The following RBM19 variants were observed in gnomAD, a reference collection of about 807,000 sequenced individuals.
RBM19 encodes probable RNA-binding protein 19.
In RBM19, 94 loss-of-function variants were observed where a neutral mutation model predicts 116.8. That is an observed-to-expected ratio of 0.80 (90% CI 0.68 to 0.95). The LOEUF (loss-of-function observed/expected upper bound fraction) is 0.95, where lower values mean the gene tolerates loss of function less well. RBM19 is among the 40% of genes least tolerant of loss of function. The pLI, the probability that RBM19 is intolerant of heterozygous loss-of-function variation, is 0.00. For missense variants in RBM19, 1,161 were observed against 1,220.7 expected (o/e 0.95, Z 0.73); for synonymous variants, 475 against 494.1 (o/e 0.96, Z 0.51).
At chr12:113,836,656 CCTT>C (rs1321123262) in intron 23 of RBM19, among the ~76,000 whole-genome samples, 1 of 152,046 alleles carries the variant, frequency 6.6e-6, no homozygotes, top group African/African-American at 2.4e-5. Context: ...GAGTCCTCCT[CCTT>C]CTCCTCATGG....
intron 23 of RBM19, among the ~76,000 whole-genome samples, chr12:113,833,325 C>T (rs1326189639): frequency 2.6e-5 from 4 of 152,108 alleles, no homozygotes; most frequent in African/African-American, 7.2e-5. Context: ...CCTCCACAGC[C>T]TCTGCTCCAT....
chr12:113,915,073 T>C lies in RBM19; in HGVS notation c.2454A>G (p.Thr818=), dbSNP rs139855741. The C allele has an allele frequency of 1.3e-4, 205 of 1,614,090 alleles. No individual in the cohort carries two copies. In the African/African-American group the frequency reaches 2.4e-3, roughly 19 times the overall value. ...ISERATKPAV[T]LARKKQVPRK... is the part of the protein sequence containing the mutation. ...TGGGAACTTGTTTCTTCCGAGCCAA[T>C]GTCACGGCTGGCCTGGAGTGGTGGG... Residue 818 remains threonine (T), a synonymous_variant, in exon 21 of 24, where the codon ACA becomes ACG. Coordinates refer to ENST00000261741, the MANE Select transcript of RBM19 (RefSeq NM_016196.4).
chr12:113,943,449 C>A (rs1471227916), intron 13 of RBM19, among the ~76,000 whole-genome samples: 2 of 152,156 alleles, frequency 1.3e-5, no homozygotes, highest in African/African-American at 4.8e-5. Flanking sequence ...CCGTGGAAAA[C>A]ACACACAGAA....
intron 21 of RBM19, among the ~76,000 whole-genome samples, chr12:113,895,925 A>G (rs1196271131): frequency 2.0e-5 from 3 of 151,590 alleles, no homozygotes; most frequent in Admixed American, 2.0e-4. Context: ...CAATATATAC[A>G]TTTCGTTCTC....
chr12:113,923,881 AC>A (rs1253988591), intron 18 of RBM19, among the ~76,000 whole-genome samples: 4 of 152,130 alleles, frequency 2.6e-5, no homozygotes, highest in African/African-American at 9.7e-5. Context: ...TATAACTAAC[AC>A]CGTGCCTGCT....
In RBM19 at chr12:113,858,860, CT is replaced by C; in HGVS notation, c.2594del (p.Lys865ArgfsTer3). On this transcript the variant is annotated frameshift_variant, in exon 22 of 24. Coordinates refer to ENST00000261741, the MANE Select transcript of RBM19 (RefSeq NM_016196.4). LOFTEE classifies it high-confidence loss of function. ...TGTGTGTGCCTGTCCCAGTCATCTT[CT>C]TTGGCAGGCGGACCGTCTTCAACTC... Reference protein sequence around the residue: ...FGELKTVRLPKKMTGTGTHRG... With the variant: ...FGELKTVRLPXKMTGTGTHRG... 6.2e-7 allele frequency: 1 copy of C among 1,614,174 alleles called. No individual in the cohort carries two copies. The highest frequency in any genetic ancestry group is 8.5e-7 in the Non-Finnish European group (1 of 1,180,040).
intron 14 of RBM19, among the ~76,000 whole-genome samples, chr12:113,941,678 C>T (rs542389331): frequency 2.0e-5 from 3 of 151,212 alleles, no homozygotes; most frequent in South Asian, 2.1e-4. Flanking sequence ...TCCATCCATC[C>T]ACCCATCCCC....
intron 22 of RBM19, among the ~76,000 whole-genome samples, chr12:113,849,806 CT>C (rs1479566781): frequency 6.6e-6 from 1 of 152,182 alleles, no homozygotes; most frequent in Non-Finnish European, 1.5e-5. Context: ...ATGGCCAGGG[CT>C]GATTATTCCT....
chr12:113,859,151 A>G (rs958633092), intron 21 of RBM19, among the ~76,000 whole-genome samples: 5 of 152,240 alleles, frequency 3.3e-5, no homozygotes, highest in African/African-American at 1.2e-4. Context: ...CTCTGCAACC[A>G]GCTAGAGACT....
chr12:113,949,760 G>A (rs1008073881), intron 9 of RBM19, among the ~76,000 whole-genome samples: 42 of 152,196 alleles, frequency 2.8e-4, no homozygotes, highest in Admixed American at 8.5e-4. Context: ...GGCCAAAGCA[G>A]ACAGGACCCT....
intron 23 of RBM19, among the ~76,000 whole-genome samples, chr12:113,831,154 C>T (rs946331627): frequency 6.6e-6 from 1 of 152,138 alleles, no homozygotes; most frequent in Non-Finnish European, 1.5e-5. Flanking sequence ...GTCAAATCTT[C>T]CAGTAGGAAA....
chr12:113,889,938 C>T (rs1247450252), intron 21 of RBM19, among the ~76,000 whole-genome samples: 9 of 152,050 alleles, frequency 5.9e-5, no homozygotes, highest in African/African-American at 2.2e-4. Context: ...AGAGCCTCAG[C>T]GCTCAGATCC....
At chr12:113,834,070 C>A (rs10431375) in intron 23 of RBM19, among the ~76,000 whole-genome samples, 45,906 of 151,920 alleles carry the variant, frequency 0.3, 7,439 homozygotes, top group South Asian at 0.38. Flanking sequence ...TAATTTCCAC[C>A]GCAGGACTTG....
In RBM19 at chr12:113,898,745, G is replaced by A. The variant is rs140211492; in HGVS notation, c.2558+16224C>T. Among the ~76,000 whole-genome samples the A allele has an allele frequency of 2.8e-4, 43 of 152,268 alleles. No individual in the cohort carries two copies. The highest frequency in any genetic ancestry group is 9.1e-4 in the African/African-American group (38 of 41,554). On this transcript the variant is annotated intron_variant, in intron 21 of 23. Transcript: ENST00000261741. This position sits in a 1 kb window ranked among gnomAD's most constrained non-coding sequence, Gnocchi z 4.3. ...CATTCTCTGCATTAGTATTACTGAC[G>A]TAAAAGAACCGAAACAGATTATAGA...
intron 21 of RBM19, among the ~76,000 whole-genome samples, chr12:113,902,173 T>C (rs1352723436): frequency 1.3e-5 from 2 of 152,206 alleles, no homozygotes; most frequent in Admixed American, 1.3e-4. Context: ...CCATGAAATC[T>C]TATGAGTAGT....
At chr12:113,900,564 C>T (rs972788246) in intron 21 of RBM19, among the ~76,000 whole-genome samples, 4 of 152,278 alleles carry the variant, frequency 2.6e-5, no homozygotes, top group East Asian at 1.9e-4. Context: ...GTCATGTAAT[C>T]GCCGGAGGTC....
intron 22 of RBM19, among the ~76,000 whole-genome samples, chr12:113,852,078 A>G (rs1276348944): frequency 2.0e-5 from 3 of 152,122 alleles, no homozygotes; most frequent in Non-Finnish European, 2.9e-5. Flanking sequence ...TAATGCTGTT[A>G]AAAGGGAGGA....
chr12:113,949,103 A>G lies in RBM19; in HGVS notation c.1073-67T>C. ...ACTTGCCAGCAACTCCTTGCTGGTG[A>G]CTCCAAACTCTTCTCTGCTGCCTTC... is the stretch of plus-strand genomic sequence containing the variant. On this transcript the variant is annotated intron_variant, in intron 9 of 23. Coordinates refer to ENST00000261741, the MANE Select transcript of RBM19 (RefSeq NM_016196.4). 3 of 1,387,896 alleles carry G rather than the reference A, an allele frequency of 2.2e-6. 1 individual carries two copies. The South Asian group carries it at 3.9e-5, about 18-fold the overall frequency. 86.0% of individuals were successfully genotyped at this position (1,387,896 alleles called of 1,614,324 possible). A position where few individuals can be genotyped will look rare whatever the true frequency, so the allele number is the denominator to read the frequency against.
At chr12:113,859,871 G>T (rs1166066580) in intron 21 of RBM19, among the ~76,000 whole-genome samples, 1 of 152,176 alleles carries the variant, frequency 6.6e-6, no homozygotes, top group Non-Finnish European at 1.5e-5. Flanking sequence ...CGATGGTCTA[G>T]GATGCTTCGG....
Sources: gnomAD v4.1 joint callset for allele counts (sites outside exome capture counted in the v4.1 genomes callset) on GRCh38, gnomAD v4.1.1 for gene constraint, Gnocchi (gnomAD v3.1) non-coding constraint, MANE v1.5 for transcripts, NCBI Gene and HGNC (gene_info 2026-07-23, HGNC 2026-07-21) for gene names.